Variants in HPSE2 observed in about 807,000 individuals in gnomAD.
The protein encoded by HPSE2 is inactive heparanase-2.
In HPSE2, 38 loss-of-function variants were observed where a neutral mutation model predicts 60.5. The ratio of observed to expected loss-of-function variants is 0.63; its 90% CI spans 0.48 to 0.82. The LOEUF (loss-of-function observed/expected upper bound fraction) is 0.82. Ranked by LOEUF, HPSE2 falls within the 40% of genes least tolerant of loss-of-function variation. The pLI, the probability that HPSE2 is intolerant of heterozygous loss-of-function variation, is 0.00. For missense variants in HPSE2, 713 were observed against 740.4 expected, an observed-to-expected ratio of 0.96 and a Z score of 0.43; for synonymous variants, 295 against 293.2, an observed-to-expected ratio of 1.01 and a Z score of -0.06.
At chr10:98,535,258 T>C (rs973798636) in intron 9 of HPSE2, among the ~76,000 whole-genome samples, 2 of 152,210 alleles carry the variant, frequency 1.3e-5, no homozygotes, top group African/African-American at 4.8e-5. Context: ...ATTTACATCT[T>C]GGACAATTTA....
chr10:98,699,783 C>A (rs1485195564), intron 5 of HPSE2, among the ~76,000 whole-genome samples: 2 of 127,646 alleles, frequency 1.6e-5, no homozygotes, highest in East Asian at 5.1e-4. Context: ...TGATAAGCAA[C>A]TTCAGCAAAG....
chr10:99,188,591 C>T (rs1218594570), intron 2 of HPSE2, among the ~76,000 whole-genome samples: 1 of 152,010 alleles, frequency 6.6e-6, no homozygotes. Context: ...GCAAATCATA[C>T]AACATATTGG....
intron 3 of HPSE2, among the ~76,000 whole-genome samples, chr10:98,883,635 C>A (rs1953086304): frequency 6.6e-6 from 1 of 151,894 alleles, no homozygotes; most frequent in African/African-American, 2.4e-5. Context: ...CATGACCCAT[C>A]TTTACAAAAT....
At chr10:99,047,840 G>A in intron 3 of HPSE2, 3 of 791,468 alleles carry the variant, frequency 3.8e-6, no homozygotes, top group Non-Finnish European at 6.8e-6. Flanking sequence ...GTACAGAACT[G>A]AAATTTGAAT....
At chr10:98,805,630 T>C (rs1211317457) in intron 3 of HPSE2, among the ~76,000 whole-genome samples, 1 of 152,156 alleles carries the variant, frequency 6.6e-6, no homozygotes, top group Admixed American at 6.5e-5. Context: ...AAGACATGTT[T>C]ACAAACTTTC....
chr10:99,234,245 C>T (rs983721348), intron 1 of HPSE2, among the ~76,000 whole-genome samples: 1 of 152,180 alleles, frequency 6.6e-6, no homozygotes, highest in African/African-American at 2.4e-5. Flanking sequence ...CTCAGTCCTC[C>T]GGCTACCTTT....
rs539742235 is a variant in HPSE2 at position 99,066,466 on chromosome 10, G to A, written c.610+77772C>T. Among the ~76,000 whole-genome samples, 16 of 152,218 alleles carry A rather than the reference G, an allele frequency of 1.1e-4. No homozygotes were observed. The South Asian group carries it at 2.5e-3, about 24-fold the overall frequency. On this transcript the variant is annotated intron_variant, in intron 3 of 11. Transcript: ENST00000370552. Reference sequence around the variant, plus strand: ...TCATGATGCTAATAAAAACATATCCGAGACTGGGTAACTCCAACTCACAGT... The same window carrying A: ...TCATGATGCTAATAAAAACATATCCAAGACTGGGTAACTCCAACTCACAGT...
Position 99,219,090 on chromosome 10 carries a change from C to T in HPSE2, c.448+13258G>A, listed in dbSNP as rs1019709656. 2.6e-5 allele frequency among the ~76,000 whole-genome samples: 4 copies of T among 152,212 alleles called. No individual in the cohort carries two copies. The East Asian group carries it at 5.8e-4, about 22-fold the overall frequency. ...ATATTTCCACTCCTCTGCTTATTCA[C>T]TATGGGCCTCCTCTGCAGTAAAGGA... is the stretch of plus-strand genomic sequence containing the variant. On this transcript the variant is annotated intron_variant, in intron 2 of 11. Transcript: ENST00000370552.
intron 3 of HPSE2, among the ~76,000 whole-genome samples, chr10:98,966,678 C>T (rs1955822867): frequency 6.6e-6 from 1 of 152,126 alleles, no homozygotes; most frequent in Non-Finnish European, 1.5e-5. Flanking sequence ...AAATCCTTCT[C>T]CTGTTAGGTA....
At chr10:98,659,129 AT>A (rs947786234) in intron 6 of HPSE2, among the ~76,000 whole-genome samples, 4 of 151,752 alleles carry the variant, frequency 2.6e-5, no homozygotes, top group Non-Finnish European at 4.4e-5. Context: ...ACTACTAATC[AT>A]TTTTTTTGTC....
At chr10:98,674,900 C>T (rs1433666765) in intron 6 of HPSE2, among the ~76,000 whole-genome samples, 5 of 151,918 alleles carry the variant, frequency 3.3e-5, no homozygotes, top group African/African-American at 9.7e-5. Context: ...CCACCCTGGG[C>T]GACAGAGAAG....
intron 2 of HPSE2, among the ~76,000 whole-genome samples, chr10:99,199,187 C>A (rs1279000997): frequency 6.6e-6 from 1 of 151,988 alleles, no homozygotes. Context: ...AATTTCAATT[C>A]TCTTGGAATG....
At chr10:99,283,190 T>TA in the HPSE2 span, among the ~76,000 whole-genome samples, 55 of 39,672 alleles carry the variant, frequency 1.4e-3, no homozygotes, top group East Asian at 3.6e-3. Context: ...CGTCTCAGGT[T>TA]AAAAAAAAAA....
intron 3 of HPSE2, among the ~76,000 whole-genome samples, chr10:99,081,066 T>C (rs1843118544): frequency 6.6e-6 from 1 of 152,182 alleles, no homozygotes; most frequent in African/African-American, 2.4e-5. Flanking sequence ...AGTGCTGGGA[T>C]TACAGGGGTG....
chr10:99,124,033 C>T (rs1845067726), intron 3 of HPSE2, among the ~76,000 whole-genome samples: 1 of 151,938 alleles, frequency 6.6e-6, no homozygotes, highest in South Asian at 2.1e-4. Flanking sequence ...TCTGTGCAGC[C>T]TTCAGCAAAA....
chr10:98,638,130 C>CTCTGT (rs1946544772), intron 7 of HPSE2, among the ~76,000 whole-genome samples: 1 of 114,292 alleles, frequency 8.7e-6, no homozygotes. Context: ...CAAAGTGAGA[C>CTCTGT]CCATCTCAAA....
chr10:98,679,523 C>T (rs577579583), intron 6 of HPSE2, among the ~76,000 whole-genome samples: 5 of 151,926 alleles, frequency 3.3e-5, no homozygotes, highest in African/African-American at 4.8e-5. Flanking sequence ...TTTCAAAGGT[C>T]GACTCAGTTT....
intron 3 of HPSE2, among the ~76,000 whole-genome samples, chr10:98,897,354 T>C (rs554357273): frequency 2.0e-4 from 31 of 152,076 alleles, no homozygotes; most frequent in African/African-American, 7.2e-4. Context: ...AAAATAAAGT[T>C]TATATGGAAA....
intron 3 of HPSE2, among the ~76,000 whole-genome samples, chr10:99,045,832 A>G (rs186220535): frequency 4.4e-4 from 67 of 152,218 alleles, no homozygotes; most frequent in African/African-American, 1.5e-3. Context: ...CTGAAATTAA[A>G]TCAGTAATTT....
Sources: gnomAD v4.1 joint callset for allele counts (sites outside exome capture counted in the v4.1 genomes callset) on GRCh38, gnomAD v4.1.1 for gene constraint, MANE v1.5 for transcripts, NCBI Gene and HGNC (gene_info 2026-07-23, HGNC 2026-07-21) for gene names.